Variants in FLRT2 observed in about 807,000 individuals in gnomAD.
FLRT2 encodes the protein fibronectin leucine rich transmembrane protein 2.
In FLRT2, 15 loss-of-function variants were observed where a neutral mutation model predicts 40.0. The ratio of observed to expected loss-of-function variants is 0.38; its 90% CI spans 0.25 to 0.58. The LOEUF (loss-of-function observed/expected upper bound fraction) is 0.58, where lower values mean the gene tolerates loss of function less well. Ranked by LOEUF, FLRT2 falls within the 20% of genes least tolerant of loss-of-function variation. The probability of loss-of-function intolerance (pLI) is 0.71; values close to 1 mark genes in which losing one functional copy is unlikely to be tolerated. For synonymous variants in FLRT2, 380 were observed against 336.8 expected (o/e 1.13, Z -1.41); for missense variants, 726 against 840.0 (o/e 0.86, Z 1.68).
chr14:85,552,675 A>G (rs2139827911), intron 1 of FLRT2: 1 of 152,252 alleles, frequency 6.6e-6, no homozygotes, highest in East Asian at 1.9e-4. Context: ...GAGCTCAGCA[A>G]TTGTTTCAGG....
chr14:85,615,079 C>A (rs1893063229), intron 1 of FLRT2, among the ~76,000 whole-genome samples: 1 of 152,160 alleles, frequency 6.6e-6, no homozygotes, highest in South Asian at 2.1e-4. Flanking sequence ...TTCAGAGCAT[C>A]AAGACAGTTG....
Position 85,531,429 on chromosome 14 carries a change from T to C in FLRT2, c.-377+895T>C, listed in dbSNP as rs1024572920. ...CAGTACGGGGCTCGCTCCCGCACTT[T>C]GAAGGCTGCCGCGGTCTTTCGTCAT... On this transcript the variant is annotated intron_variant, in intron 1 of 1. Transcript: ENST00000330753. 2.0e-5 allele frequency among the ~76,000 whole-genome samples: 3 copies of C among 152,156 alleles called. 1 individual carries two copies. Among genetic ancestry groups the C allele is most frequent in the Middle Eastern group, 6.3e-3 (2 of 316 alleles).
Position 85,623,597 on chromosome 14 carries a change from C to A in FLRT2, c.*100C>A. On this transcript the variant is annotated 3_prime_UTR_variant, in exon 2 of 2. Transcript: ENST00000330753. ...CGCAGATTACATTTGATAAATGTTA[C>A]ACAGATGCATTTGTGCATTTGAATA... 1 of 953,490 alleles carries A rather than the reference C, an allele frequency of 1.0e-6. No individual in the cohort carries two copies. Among genetic ancestry groups the A allele is most frequent in the Non-Finnish European group, 1.5e-6 (1 of 687,346 alleles). The allele number at this position is 953,490 out of a possible 1,614,324, so 59.1% of individuals were successfully genotyped here. A position where few individuals can be genotyped will look rare whatever the true frequency, so the allele number is the denominator to read the frequency against.
chr14:85,549,905 A>T (rs1889510367), intron 1 of FLRT2, among the ~76,000 whole-genome samples: 1 of 151,188 alleles, frequency 6.6e-6, no homozygotes, highest in Non-Finnish European at 1.5e-5. Flanking sequence ...GCCACAGTAC[A>T]TCTTGCCTAA....
chr14:85,600,045 G>A (rs1399854395), intron 1 of FLRT2, among the ~76,000 whole-genome samples: 1 of 152,174 alleles, frequency 6.6e-6, no homozygotes, highest in East Asian at 1.9e-4. Flanking sequence ...GAGATGTGAC[G>A]CAAGTGCAGT....
chr14:85,635,100 A>T lies in FLRT2; in HGVS notation c.*11603A>T, dbSNP rs993744587. The T allele has an allele frequency of 6.6e-6, 1 of 152,212 alleles. No homozygotes were observed. The highest frequency in any genetic ancestry group is 2.1e-4 in the South Asian group (1 of 4,832). The allele number at this position is 152,212 out of a possible 1,614,324, so 9.4% of individuals were successfully genotyped here. On this transcript the variant is annotated 3_prime_UTR_variant, in exon 2 of 2. Transcript: ENST00000330753. ...AAGACTAACATGTTTCTCATTAGTT[A>T]TAATAACCTTAAACTTGATATGTTA...
chr14:85,595,235 C>T lies in FLRT2; in HGVS notation c.-376-25904C>T, dbSNP rs144727500. 5.3e-4 allele frequency among the ~76,000 whole-genome samples: 81 copies of T among 152,174 alleles called. 1 individual carries two copies. In the East Asian group the frequency reaches 0.014, roughly 27 times the overall value. On this transcript the variant is annotated intron_variant, in intron 1 of 1. Coordinates refer to ENST00000330753, the MANE Select transcript of FLRT2 (RefSeq NM_013231.6). ...TAGTGCCAAGTATACTTCCATAATG[C>T]CCAAAGTCATTAATTAATAAGAGAT...
rs751630881 is a variant in FLRT2 at position 85,641,702 on chromosome 14, A to G, written c.*18205A>G. ...GAATAATTTCTGTTTCCTGCATTTT[A>G]TCTTGTTGGATTAAGTATTTGATAA... On this transcript the variant is annotated 3_prime_UTR_variant, in exon 2 of 2. Transcript: ENST00000330753. The G allele has an allele frequency of 1.3e-5, 2 of 152,122 alleles. No individual in the cohort carries two copies. Among genetic ancestry groups the G allele is most frequent in the Non-Finnish European group, 2.9e-5 (2 of 68,008 alleles). The allele number at this position is 152,122 out of a possible 1,614,324, so 9.4% of individuals were successfully genotyped here. A position where few individuals can be genotyped will look rare whatever the true frequency, so the allele number is the denominator to read the frequency against.
chr14:85,587,823 AC>A (rs1228459771), intron 1 of FLRT2, among the ~76,000 whole-genome samples: 2 of 152,178 alleles, frequency 1.3e-5, no homozygotes, highest in African/African-American at 2.4e-5. Context: ...TTAAAATATT[AC>A]CCACAATGCT....
chr14:85,568,958 G>A (rs28479080), intron 1 of FLRT2, among the ~76,000 whole-genome samples: 4,703 of 152,102 alleles, frequency 0.031, 250 homozygotes, highest in African/African-American at 0.11. Flanking sequence ...TTCTCTTAAG[G>A]ATTTGCCTGC....
intron 1 of FLRT2, among the ~76,000 whole-genome samples, chr14:85,607,399 A>G (rs1892670931): frequency 6.6e-6 from 1 of 152,228 alleles, no homozygotes; most frequent in Non-Finnish European, 1.5e-5. Flanking sequence ...GACTTTTCTT[A>G]ATAACCACTT....
chr14:85,553,925 A>C (rs1275522186), intron 1 of FLRT2, among the ~76,000 whole-genome samples: 1 of 152,158 alleles, frequency 6.6e-6, no homozygotes, highest in African/African-American at 2.4e-5. Context: ...ACTTTAAAAA[A>C]CAATAGATTC....
At chr14:85,590,333 A>G (rs1891826809) in intron 1 of FLRT2, among the ~76,000 whole-genome samples, 1 of 152,110 alleles carries the variant, frequency 6.6e-6, no homozygotes. Context: ...CTCTTAACCC[A>G]TGTGCTGTAC....
At chr14:85,618,125 T>C (rs1000709824) in intron 1 of FLRT2, among the ~76,000 whole-genome samples, 1 of 152,248 alleles carries the variant, frequency 6.6e-6, no homozygotes. Flanking sequence ...GGCCCATCCC[T>C]GAGTACTTGG....
intron 1 of FLRT2, among the ~76,000 whole-genome samples, chr14:85,556,520 C>A (rs1002280170): frequency 6.6e-6 from 1 of 152,190 alleles, no homozygotes; most frequent in Non-Finnish European, 1.5e-5. Context: ...CTCTGCAGGG[C>A]GCACCTATGC....
intron 1 of FLRT2, among the ~76,000 whole-genome samples, chr14:85,579,205 A>C (rs1338979682): frequency 1.3e-5 from 2 of 152,086 alleles, no homozygotes; most frequent in Non-Finnish European, 2.9e-5. Flanking sequence ...GGGAGGCTGG[A>C]GTGGGGGAAC....
In FLRT2 at chr14:85,640,329, T is replaced by G. The variant is rs1381766107; in HGVS notation, c.*16832T>G. 1 of 152,174 alleles carries G rather than the reference T, an allele frequency of 6.6e-6. No individual in the cohort carries two copies. The highest frequency in any genetic ancestry group is 1.5e-5 in the Non-Finnish European group (1 of 68,046). The allele number at this position is 152,174 out of a possible 1,614,324, so 9.4% of individuals were successfully genotyped here. A position where few individuals can be genotyped will look rare whatever the true frequency, so the allele number is the denominator to read the frequency against. ...GACAGTAAGGCAATCAGTGGAGTAA[T>G]GATCCTTCCAAACTGCTGACTACAT... On this transcript the variant is annotated 3_prime_UTR_variant, in exon 2 of 2. Coordinates refer to ENST00000330753, the MANE Select transcript of FLRT2 (RefSeq NM_013231.6).
In FLRT2 at chr14:85,652,503, C is replaced by G. The variant is rs1894457477; in HGVS notation, c.*29006C>G. ...TTGAGAATTTTTTTCTTATAACGTT[C>G]TTCATCTGATTAAACAAACAAAAAA... On this transcript the variant is annotated 3_prime_UTR_variant, in exon 2 of 2. Transcript: ENST00000330753. 1 of 150,328 alleles carries G rather than the reference C, an allele frequency of 6.7e-6. No homozygotes were observed. Among genetic ancestry groups the G allele is most frequent in the African/African-American group, 2.5e-5 (1 of 40,656 alleles). 9.3% of individuals were successfully genotyped at this position (150,328 alleles called of 1,614,324 possible).
At position 85,653,554 on chromosome 14, in the gene FLRT2, A is replaced by G. The variant is rs746352789; in HGVS notation, c.*30057A>G. ...TAGGGGATCTATTAGTATTCTCCACATTGCTACTGAAACTTGCTGCCTTTT... is the reference window on the plus strand; with the variant it reads ...TAGGGGATCTATTAGTATTCTCCACGTTGCTACTGAAACTTGCTGCCTTTT... On this transcript the variant is annotated 3_prime_UTR_variant, in exon 2 of 2. Transcript: ENST00000330753. 1.3e-5 allele frequency: 2 copies of G among 152,206 alleles called. No homozygotes were observed. Among genetic ancestry groups the G allele is most frequent in the Admixed American group, 1.3e-4 (2 of 15,272 alleles). The allele number at this position is 152,206 out of a possible 1,614,324, so 9.4% of individuals were successfully genotyped here. A position where few individuals can be genotyped will look rare whatever the true frequency, so the allele number is the denominator to read the frequency against.
Sources: gnomAD v4.1 joint callset for allele counts (sites outside exome capture counted in the v4.1 genomes callset) on GRCh38, gnomAD v4.1.1 for gene constraint, MANE v1.5 for transcripts, NCBI Gene and HGNC (gene_info 2026-07-23, HGNC 2026-07-21) for gene names.